FN1: variants seen among roughly 807,000 people sequenced by gnomAD.
FN1 encodes fibronectin.
Under a neutral mutation model 297.3 loss-of-function variants are expected in FN1, and 106 were observed. That is an observed-to-expected ratio of 0.36 (90% CI 0.30 to 0.42). FN1 has a LOEUF of 0.42. Among genes scored for constraint, FN1 ranks in the 10% least tolerant of loss-of-function variants. The pLI is 1.00. For missense variants in FN1, 2,690 were observed against 3,124.9 expected (o/e 0.86, Z 3.32); for synonymous variants, 1,149 against 1,152.6 (o/e 1.00, Z 0.06).
chr2:215,393,279 T>C (rs1431464844), intron 24 of FN1, 76 bp from the exon 25 acceptor site: 5 of 1,444,180 alleles, frequency 3.5e-6, no homozygotes, highest in Non-Finnish European at 4.8e-6. Context: ...AATAAAGCAG[T>C]GTATATCAGG....
chr2:215,394,692 G>A lies in FN1; in HGVS notation c.3632C>T (p.Thr1211Ile), dbSNP rs747985834. Residue 1211 changes from threonine to isoleucine, a missense_variant, in exon 24 of 46, where the codon ACC becomes ATC. Thr to Ile is a moderately conservative substitution (Grantham distance 89). Transcript: ENST00000354785. ...ATTTCCCTGCTGGCCGTTTGTAGGGGTTGTGGTAATTCTATAACCAGTAAT... is the reference window on the plus strand; with the variant it reads ...ATTTCCCTGCTGGCCGTTTGTAGGGATTGTGGTAATTCTATAACCAGTAAT... ...PDITGYRITTTPTNGQQGNSL... is the reference protein window; with the variant it reads ...PDITGYRITTIPTNGQQGNSL... The A allele has an allele frequency of 1.9e-6, 3 of 1,614,002 alleles. No homozygotes were observed. Among genetic ancestry groups the A allele is most frequent in the Non-Finnish European group, 2.5e-6 (3 of 1,179,924 alleles).
chr2:215,385,652 A>G (rs1442119836), intron 28 of FN1, among the ~76,000 whole-genome samples: 1 of 152,106 alleles, frequency 6.6e-6, no homozygotes, highest in Non-Finnish European at 1.5e-5. Context: ...ACTTGAGACT[A>G]AAATACAGAT....
intron 13 of FN1, among the ~76,000 whole-genome samples, chr2:215,410,422 T>C (rs1316958236): frequency 6.6e-6 from 1 of 152,190 alleles, no homozygotes; most frequent in Non-Finnish European, 1.5e-5. Flanking sequence ...GGCAATGGCA[T>C]TGTTGCTCCC....
At chr2:215,411,180 C>T (rs1276328439) in intron 13 of FN1, among the ~76,000 whole-genome samples, 1 of 152,122 alleles carries the variant, frequency 6.6e-6, no homozygotes, top group Non-Finnish European at 1.5e-5. Flanking sequence ...TATTTCACAT[C>T]CTGTTCAGCT....
chr2:215,396,520 T>C (rs960021419), intron 23 of FN1, among the ~76,000 whole-genome samples: 10 of 152,198 alleles, frequency 6.6e-5, no homozygotes, highest in East Asian at 5.8e-4. Flanking sequence ...TCAGTTTGCA[T>C]AGAATATAAT....
chr2:215,394,990 G>A (rs961283705), intron 23 of FN1, among the ~76,000 whole-genome samples: 3 of 151,938 alleles, frequency 2.0e-5, no homozygotes, highest in South Asian at 4.2e-4. Flanking sequence ...TTCAACCTCC[G>A]CCAAGATCCT....
chr2:215,414,720 A>T (rs938820541), intron 13 of FN1, 117 bp downstream of exon 13: 1 of 1,502,778 alleles, frequency 6.7e-7, no homozygotes, highest in African/African-American at 1.4e-5. Context: ...AAATATAGTA[A>T]ATGCTATAGG....
At position 215,383,417 on chromosome 2, in the gene FN1, A is replaced by G; in HGVS notation, c.4961T>C (p.Leu1654Pro). 1 of 1,614,136 alleles carries G rather than the reference A, an allele frequency of 6.2e-7. No individual in the cohort carries two copies. The highest frequency in any genetic ancestry group is 8.5e-7 in the Non-Finnish European group (1 of 1,179,980). ...ACCAGTAACAGGGGAACTTGAAGGC[A>G]GCCACTTGACACTAATGCTGTTGTC... is the stretch of plus-strand genomic sequence containing the variant. ...VQDNSISVKW[L>P]PSSSPVTGYR... is the part of the protein sequence containing the mutation. The change falls in exon 31 of 46, where the codon CTG becomes CCG. Residue 1654 changes from leucine to proline, a missense_variant. Physicochemically the swap from Leu to Pro is moderately conservative, Grantham distance 98. Around this residue, in one of 3 missense-constraint regions of FN1, gnomAD observed 1,743 missense variants for 1,945.2 expected, o/e 0.90. Coordinates refer to ENST00000354785, the MANE Select transcript of FN1 (RefSeq NM_212482.4).
intron 41 of FN1, among the ~76,000 whole-genome samples, chr2:215,369,455 A>AG (rs1427229813): frequency 6.6e-6 from 1 of 152,202 alleles, no homozygotes; most frequent in Non-Finnish European, 1.5e-5. Flanking sequence ...AGATGAGGGA[A>AG]GGGGCTAAAA....
chr2:215,412,237 C>T lies in FN1; in HGVS notation c.1942-2123G>A, dbSNP rs558972826. ...CATTTGTTAAGCAGTGTGCCAGGTG[C>T]TGAAGCATTCTAGACTCTACGGAGA... On this transcript the variant is annotated intron_variant, in intron 13 of 45. Coordinates refer to ENST00000354785, the MANE Select transcript of FN1 (RefSeq NM_212482.4). Among the ~76,000 whole-genome samples the T allele has an allele frequency of 2.0e-5, 3 of 149,956 alleles. No individual in the cohort carries two copies. In the South Asian group the frequency reaches 6.4e-4, roughly 32 times the overall value.
intron 15 of FN1, 114 bp downstream of exon 15, chr2:215,409,449 G>T: frequency 1.0e-6 from 1 of 972,358 alleles, no homozygotes; most frequent in African/African-American, 1.6e-5. Context: ...TTCAGTCTGA[G>T]CTGTCAACCA....
At chr2:215,383,001 C>CTT (rs548983543) in intron 31 of FN1, among the ~76,000 whole-genome samples, 3 of 142,024 alleles carry the variant, frequency 2.1e-5, no homozygotes, top group African/African-American at 2.6e-5. Flanking sequence ...GCAGATTACT[C>CTT]TTTTTTTTTT....
chr2:215,403,418 C>A (rs1479121795), intron 20 of FN1, among the ~76,000 whole-genome samples: 1 of 152,092 alleles, frequency 6.6e-6, no homozygotes, highest in African/African-American at 2.4e-5. Context: ...TTTTTAACAT[C>A]CATACTTTTA....
Position 215,361,419 on chromosome 2 carries a change from G to A in FN1, c.*136C>T, listed in dbSNP as rs544545509. 4.1e-5 allele frequency: 32 copies of A among 776,870 alleles called. No homozygotes were observed. The highest frequency in any genetic ancestry group is 3.9e-4 in the South Asian group (28 of 72,716). 48.1% of individuals were successfully genotyped at this position (776,870 alleles called of 1,614,324 possible). A position where few individuals can be genotyped will look rare whatever the true frequency, so the allele number is the denominator to read the frequency against. ...GCTTGGAGAAGCTGTGAGTTGAGCTGAAGCTGGAGAACTTCCTCCAGAGCA... is the reference window on the plus strand; with the variant it reads ...GCTTGGAGAAGCTGTGAGTTGAGCTAAAGCTGGAGAACTTCCTCCAGAGCA... On this transcript the variant is annotated 3_prime_UTR_variant, in exon 46 of 46. Coordinates refer to ENST00000354785, the MANE Select transcript of FN1 (RefSeq NM_212482.4).
intron 7 of FN1, among the ~76,000 whole-genome samples, 189 bp downstream of exon 7, chr2:215,424,905 C>T (rs1575798892): frequency 2.0e-5 from 3 of 152,060 alleles, no homozygotes; most frequent in African/African-American, 7.2e-5. Flanking sequence ...ATATCCATGA[C>T]CAGAAAGAAA....
intron 6 of FN1, among the ~76,000 whole-genome samples, chr2:215,425,715 G>C (rs2065206765): frequency 6.6e-6 from 1 of 151,960 alleles, no homozygotes; most frequent in Non-Finnish European, 1.5e-5. Context: ...ACCATGCCCA[G>C]CTGATTTTTT....
chr2:215,433,957 C>G (rs573366207), intron 2 of FN1, among the ~76,000 whole-genome samples: 2 of 152,320 alleles, frequency 1.3e-5, no homozygotes, highest in South Asian at 4.1e-4. Flanking sequence ...TGAAAATTAG[C>G]TGGGTGTGGT....
Position 215,375,634 on chromosome 2 carries a change from G to T in FN1, c.5972C>A (p.Ser1991Tyr). The change falls in exon 37 of 46, where the codon TCC (serine) becomes TAC (tyrosine). Residue 1991 changes from serine to tyrosine, a missense_variant. By Grantham distance (144) the Ser-to-Tyr change is moderately radical (BLOSUM62 -2). This residue lies in a region of FN1 where 1,743 missense variants were observed against 1,945.2 expected (regional missense o/e 0.90). Transcript: ENST00000354785. ...ARSSPVVIDA[S>Y]TAIDAPSNLR... is the part of the protein sequence containing the mutation. ...TCAGTAGAAGGTATAGTTACCAGTG[G>T]AGGCGTCGATGACCACAGGGGAGCT... 6.2e-7 allele frequency: 1 copy of T among 1,606,084 alleles called. No homozygotes were observed. The highest frequency in any genetic ancestry group is 8.5e-7 in the Non-Finnish European group (1 of 1,172,702).
intron 12 of FN1, among the ~76,000 whole-genome samples, chr2:215,418,713 A>T: frequency 6.6e-6 from 1 of 152,226 alleles, no homozygotes; most frequent in Non-Finnish European, 1.5e-5. Flanking sequence ...CTGTGTGGGC[A>T]GAGAGTTGAC....
Sources: gnomAD v4.1 joint callset for allele counts (sites outside exome capture counted in the v4.1 genomes callset) on GRCh38, gnomAD v4.1.1 for gene constraint, gnomAD v4.1.1 regional missense constraint, MANE v1.5 for transcripts, NCBI Gene and HGNC (gene_info 2026-07-23, HGNC 2026-07-21) for gene names.